Variants in HTT observed in about 807,000 individuals in gnomAD.
The protein encoded by HTT is huntington disease protein.
In HTT, 104 loss-of-function variants were observed where a neutral mutation model predicts 362.3. The observed-to-expected ratio is 0.29, with a 90% CI of 0.24 to 0.34. The LOEUF is 0.34. HTT is among the 10% of genes least tolerant of loss of function. HTT has a pLI of 1.00. For synonymous variants in HTT, 1,577 were observed against 1,548.7 expected (o/e 1.02, Z -0.43); for missense variants, 3,301 against 3,928.6 (o/e 0.84, Z 4.27).
chr4:3,187,413 C>T (rs1266544001), intron 38 of HTT, among the ~76,000 whole-genome samples: 1 of 152,176 alleles, frequency 6.6e-6, no homozygotes, highest in Non-Finnish European at 1.5e-5. Flanking sequence ...CCTCGGCCTC[C>T]CAAAGTGTTG....
intron 39 of HTT, 88 bp from the exon 40 acceptor site, chr4:3,188,863 A>G (rs1205090340): frequency 2.1e-5 from 27 of 1,285,578 alleles, no homozygotes; most frequent in Admixed American, 4.0e-5. Flanking sequence ...TTTACTTTAT[A>G]TTTACCATAT....
At chr4:3,196,025 A>T (rs1040032416) in intron 40 of HTT, among the ~76,000 whole-genome samples, 3 of 152,116 alleles carry the variant, frequency 2.0e-5, no homozygotes, top group African/African-American at 7.2e-5. Flanking sequence ...TTCTGTGAGG[A>T]TAAAAACAGG....
In HTT at chr4:3,172,320, T is replaced by A. The variant is rs1431540096; in HGVS notation, c.3865T>A (p.Cys1289Ser). The part of the protein sequence containing the change: ...ELATLQDIGK[C>S]VEEILGYLKS... The stretch of plus-strand genomic sequence containing the variant: ...TAATGTCTCACTTGTCTTTCTACAG[T>A]GTGTTGAAGAGATCCTAGGATACCT... The change falls in exon 30 of 67, where the codon TGT becomes AGT. Residue 1289 changes from cysteine to serine, a missense_variant and splice_region_variant. By Grantham distance (112) the Cys-to-Ser change is moderately radical (BLOSUM62 -1). This residue lies in a region of HTT where 2,316 missense variants were observed against 2,658.5 expected (regional missense o/e 0.87). Coordinates refer to ENST00000355072, the MANE Select transcript of HTT (RefSeq NM_001388492.1). 6.4e-7 allele frequency: 1 copy of A among 1,569,976 alleles called. No homozygotes were observed. The highest frequency in any genetic ancestry group is 8.8e-7 in the Non-Finnish European group (1 of 1,139,880).
chr4:3,151,694 C>T (rs774943699), intron 26 of HTT, among the ~76,000 whole-genome samples: 4 of 152,138 alleles, frequency 2.6e-5, no homozygotes, highest in Non-Finnish European at 4.4e-5. Flanking sequence ...AGTTTCATCC[C>T]GAAACCATCC....
intron 20 of HTT, 122 bp from the exon 21 acceptor site, chr4:3,136,104 C>A: frequency 1.1e-6 from 1 of 886,412 alleles, no homozygotes; most frequent in Non-Finnish European, 1.8e-6. Context: ...AAGTTATAAT[C>A]TTGTCATATG....
At chr4:3,138,582 GT>G (rs1202980323) in intron 21 of HTT, among the ~76,000 whole-genome samples, 1 of 152,108 alleles carries the variant, frequency 6.6e-6, no homozygotes, top group Non-Finnish European at 1.5e-5. Flanking sequence ...ATATGTATCA[GT>G]TTTTTGGGCA....
chr4:3,218,033 C>A lies in HTT; in HGVS notation c.7242+81C>A. 3.2e-6 allele frequency: 4 copies of A among 1,241,242 alleles called. No homozygotes were observed. The highest frequency in any genetic ancestry group is 4.4e-6 in the Non-Finnish European group (4 of 901,378). 76.9% of individuals were successfully genotyped at this position (1,241,242 alleles called of 1,614,324 possible). A position where few individuals can be genotyped will look rare whatever the true frequency, so the allele number is the denominator to read the frequency against. On this transcript the variant is annotated intron_variant, in intron 52 of 66. Coordinates refer to ENST00000355072, the MANE Select transcript of HTT (RefSeq NM_001388492.1). This position sits in a 1 kb window ranked among gnomAD's most constrained non-coding sequence, Gnocchi z 4.4. ...CCTGGGCTGGGCACACGTGAGAGGGCGGGACAGAATCCCCGCAGCCCAGAG... is the reference window on the plus strand; with the variant it reads ...CCTGGGCTGGGCACACGTGAGAGGGAGGGACAGAATCCCCGCAGCCCAGAG...
Position 3,154,344 on chromosome 4 carries a change from A to G in HTT, c.3550A>G (p.Lys1184Glu). Residue 1184 changes from lysine (K) to glutamate (E), a missense_variant, in exon 27 of 67, where the codon AAG becomes GAG. Transcript: ENST00000355072. ...NPPSLSPIRR[K>E]GKEKEPGEQA... ...CCCTTCTCTAAGTCCCATCCGACGA[A>G]AGGGGAAGGAGAAAGAACCAGGAGA... 6.2e-7 allele frequency: 1 copy of G among 1,613,104 alleles called. No individual in the cohort carries two copies. Among genetic ancestry groups the G allele is most frequent in the Non-Finnish European group, 8.5e-7 (1 of 1,179,556 alleles).
intron 1 of HTT, among the ~76,000 whole-genome samples, chr4:3,082,638 G>A (rs1351590867): frequency 1.3e-5 from 2 of 152,106 alleles, no homozygotes; most frequent in Non-Finnish European, 2.9e-5. Flanking sequence ...TGACTTACAT[G>A]CACATTGGAG....
intron 29 of HTT, among the ~76,000 whole-genome samples, chr4:3,171,142 CA>C (rs1717952206): frequency 1.3e-5 from 2 of 152,086 alleles, no homozygotes; most frequent in African/African-American, 4.8e-5. Flanking sequence ...CTAGTAAAAA[CA>C]AAAAGTGGTG....
chr4:3,238,401 G>A (rs1268219689), intron 64 of HTT, 46 bp from the exon 65 acceptor site: 11 of 1,494,164 alleles, frequency 7.4e-6, no homozygotes, highest in African/African-American at 1.4e-5. Context: ...AGGTGGGGCA[G>A]CTGTGGGAGC....
chr4:3,107,390 T>A lies in HTT; in HGVS notation c.714T>A (p.Ser238=). The change falls in exon 6 of 67, where the codon TCT becomes TCA. Residue 238 remains serine (S), a synonymous_variant. Transcript: ENST00000355072. ...LAAAVPKIMA[S]FGNFANDNEI... ...CAGCTGTTCCCAAAATTATGGCTTC[T>A]TTTGGCAATTTTGCAAATGACAATG... is the stretch of plus-strand genomic sequence containing the variant. 1 of 1,614,216 alleles carries A rather than the reference T, an allele frequency of 6.2e-7. No homozygotes were observed. Among genetic ancestry groups the A allele is most frequent in the Non-Finnish European group, 8.5e-7 (1 of 1,180,024 alleles).
At position 3,206,111 on chromosome 4, in the gene HTT, C is replaced by T. The variant is rs138586045; in HGVS notation, c.5719-385C>T. Among the ~76,000 whole-genome samples, 275 of 152,308 alleles carry T rather than the reference C, an allele frequency of 1.8e-3. 2 individuals carry two copies. Among genetic ancestry groups the T allele is most frequent in the Admixed American group, 3.0e-3 (46 of 15,304 alleles). ...CCACTGGCTTAGCCGGCCCGAAGCC[C>T]GGGAGAGGGCAGGCAGTGCTGTGGA... On this transcript the variant is annotated intron_variant, in intron 42 of 66. Transcript: ENST00000355072. This position sits in a 1 kb window ranked among gnomAD's most constrained non-coding sequence, Gnocchi z 4.6.
Position 3,101,445 on chromosome 4 carries a change from C to A in HTT, c.468+2051C>A, listed in dbSNP as rs184280647. ...CAGATGCTGTAGTTGTCAGGCCCAG[C>A]GGGCTGGCAGCGGGATCAGGATCTG... On this transcript the variant is annotated intron_variant, in intron 3 of 66. Transcript: ENST00000355072. Among the ~76,000 whole-genome samples the A allele has an allele frequency of 1.0e-3, 156 of 152,306 alleles. 1 individual carries two copies. The highest frequency in any genetic ancestry group is 3.5e-3 in the African/African-American group (147 of 41,576).
chr4:3,104,336 A>G (rs1211155213), intron 4 of HTT, among the ~76,000 whole-genome samples: 8 of 150,472 alleles, frequency 5.3e-5, no homozygotes, highest in Non-Finnish European at 1.2e-4. Flanking sequence ...CAGTCAGGGC[A>G]CAGTGGCTCA....
rs747028454 is a variant in HTT at position 3,121,362 on chromosome 4, T to C, written c.1203T>C (p.Ile401=). 1.9e-6 allele frequency: 3 copies of C among 1,614,128 alleles called. No individual in the cohort carries two copies. Among genetic ancestry groups the C allele is most frequent in the Non-Finnish European group, 2.5e-6 (3 of 1,180,012 alleles). Residue 401 remains isoleucine (I), a synonymous_variant, in exon 9 of 67, where the codon ATT becomes ATC. Coordinates refer to ENST00000355072, the MANE Select transcript of HTT (RefSeq NM_001388492.1). ...AAACCCTGACCGCAGTCGGGGGCATTGGGCAGCTCACCGCTGCTAAGGAGG... is the reference window on the plus strand; with the variant it reads ...AAACCCTGACCGCAGTCGGGGGCATCGGGCAGCTCACCGCTGCTAAGGAGG... ...LLQTLTAVGG[I]GQLTAAKEES...
In HTT at chr4:3,211,409, G is replaced by C. The variant is rs191903442; in HGVS notation, c.6415-520G>C. Among the ~76,000 whole-genome samples the C allele has an allele frequency of 2.4e-4, 36 of 152,292 alleles. No homozygotes were observed. The East Asian group carries it at 5.4e-3, about 23-fold the overall frequency. On this transcript the variant is annotated intron_variant, in intron 47 of 66. Coordinates refer to ENST00000355072, the MANE Select transcript of HTT (RefSeq NM_001388492.1). ...ACTAAGATAGATGTTTTACCTGAAG[G>C]ATCGGCCACCAATCTTTAAATGGCT...
intron 49 of HTT, among the ~76,000 whole-genome samples, chr4:3,213,547 A>C (rs1279820706): frequency 1.3e-5 from 2 of 152,236 alleles, no homozygotes; most frequent in Non-Finnish European, 2.9e-5. Context: ...CTGAGCTAGG[A>C]AGTAGCCATT....
chr4:3,154,441 G>C (rs769759614), intron 27 of HTT, 22 bp downstream of exon 27: 1 of 1,611,790 alleles, frequency 6.2e-7, no homozygotes, highest in Non-Finnish European at 8.5e-7. Context: ...CGTGGGGAAG[G>C]GAGGGACATG....
Sources: gnomAD v4.1 joint callset for allele counts (sites outside exome capture counted in the v4.1 genomes callset) on GRCh38, gnomAD v4.1.1 for gene constraint, gnomAD v4.1.1 regional missense constraint, Gnocchi (gnomAD v3.1) non-coding constraint, MANE v1.5 for transcripts, NCBI Gene and HGNC (gene_info 2026-07-23, HGNC 2026-07-21) for gene names.